Variants in CHRNA3 observed in about 807,000 individuals in gnomAD.
The protein encoded by CHRNA3 is cholinergic receptor nicotinic alpha 3 subunit, also known as neuronal acetylcholine receptor subunit alpha-3.
In CHRNA3, 34 loss-of-function variants were observed where a neutral mutation model predicts 41.9. The ratio of observed to expected loss-of-function variants is 0.81; its 90% confidence interval spans 0.62 to 1.08. CHRNA3 has a LOEUF of 1.08. Ranked by LOEUF, CHRNA3 falls within the 50% of genes least tolerant of loss-of-function variation. The pLI is 0.00. For synonymous variants in CHRNA3, 281 were observed against 265.2 expected, an observed-to-expected ratio of 1.06 and a Z score of -0.58; for missense variants, 542 against 638.3, an observed-to-expected ratio of 0.85 and a Z score of 1.63.
Position 78,601,872 on chromosome 15 carries a change from A to C in CHRNA3, c.770T>G (p.Phe257Cys). 1 of 1,614,104 alleles carries C rather than the reference A, an allele frequency of 6.2e-7. No individual in the cohort carries two copies. Among genetic ancestry groups the C allele is most frequent in the Non-Finnish European group, 8.5e-7 (1 of 1,180,012 alleles). Residue 257 changes from phenylalanine (F) to cysteine (C), a missense_variant, in exon 5 of 6, where the codon TTC (phenylalanine) becomes TGC (cysteine). Phe to Cys is a radical substitution (Grantham distance 205, BLOSUM62 -2). Coordinates refer to ENST00000326828, the MANE Select transcript of CHRNA3 (RefSeq NM_000743.5). ...NLIIPCLLIS[F>C]LTVLVFYLPS... ...CAGGTAGAAGACGAGCACAGTGAGG[A>C]AGGAGATGAGCAGGCAGGGGATGAT... is the stretch of plus-strand genomic sequence containing the variant.
chr15:78,603,334 G>A (rs1263986099), intron 4 of CHRNA3, among the ~76,000 whole-genome samples: 1 of 152,174 alleles, frequency 6.6e-6, no homozygotes, highest in Admixed American at 6.5e-5. Flanking sequence ...CGTTTTTCTA[G>A]GAATAGTCTT....
intron 4 of CHRNA3, among the ~76,000 whole-genome samples, chr15:78,615,993 C>T (rs948148237): frequency 2.7e-5 from 4 of 150,566 alleles, no homozygotes; most frequent in Non-Finnish European, 4.4e-5. Flanking sequence ...CCTCCTGCCT[C>T]GGCCTCCCAA....
In CHRNA3 at chr15:78,595,959, C is replaced by G; in HGVS notation, c.*645G>C. The stretch of plus-strand genomic sequence containing the variant: ...GGTGCCTTGACCTTGGACCTCCCAA[C>G]CTCCAAAACTGAGAAGTTTCTGTTG... On this transcript the variant is annotated 3_prime_UTR_variant, in exon 6 of 6. Coordinates refer to ENST00000326828, the MANE Select transcript of CHRNA3 (RefSeq NM_000743.5). 1.3e-6 allele frequency: 1 copy of G among 784,340 alleles called. No individual in the cohort carries two copies. The highest frequency in any genetic ancestry group is 5.9e-5 in the South Asian group (1 of 16,912). The allele number at this position is 784,340 out of a possible 1,614,324, so 48.6% of individuals were successfully genotyped here.
intron 4 of CHRNA3, among the ~76,000 whole-genome samples, chr15:78,616,518 G>T (rs368108600): frequency 1.3e-5 from 2 of 152,090 alleles, no homozygotes; most frequent in African/African-American, 2.4e-5. Flanking sequence ...ATTCCTGTCT[G>T]TTTGCACAGA....
chr15:78,602,558 G>A (rs898505634), intron 4 of CHRNA3, among the ~76,000 whole-genome samples: 21 of 152,194 alleles, frequency 1.4e-4, no homozygotes, highest in Non-Finnish European at 2.5e-4. Flanking sequence ...AATGCCCGAA[G>A]AGGATTGGTC....
intron 5 of CHRNA3, among the ~76,000 whole-genome samples, chr15:78,597,039 GTTAC>G (rs2053124292): frequency 6.6e-6 from 1 of 152,216 alleles, no homozygotes; most frequent in South Asian, 2.1e-4. Flanking sequence ...AGTGAAACCA[GTTAC>G]TTAGGCTTCC....
At chr15:78,610,043 G>C (rs370563321) in intron 4 of CHRNA3, among the ~76,000 whole-genome samples, 2 of 152,002 alleles carry the variant, frequency 1.3e-5, no homozygotes, top group Non-Finnish European at 1.5e-5. Flanking sequence ...TAAATATATA[G>C]GCACCCAATA....
intron 4 of CHRNA3, among the ~76,000 whole-genome samples, chr15:78,612,978 G>A (rs528095970): frequency 4.5e-4 from 69 of 152,156 alleles, no homozygotes; most frequent in Middle Eastern, 6.8e-3. Context: ...AATGCTCATC[G>A]TCACTGGCCA....
chr15:78,593,516 C>A, downstream of CHRNA3: 1 of 247,288 alleles, frequency 4.0e-6, no homozygotes, highest in Non-Finnish European at 7.7e-6. Flanking sequence ...GTATTTGTAT[C>A]CTGGCAAATA....
intron 4 of CHRNA3, among the ~76,000 whole-genome samples, chr15:78,608,600 C>T (rs1295554871): frequency 1.3e-5 from 2 of 152,102 alleles, no homozygotes; most frequent in South Asian, 2.1e-4. Flanking sequence ...TCATCAAAGA[C>T]CAAAAGTAGA....
At chr15:78,593,481 C>G (rs1596066373), downstream of CHRNA3, 2 of 325,892 alleles carry the variant, frequency 6.1e-6, no homozygotes, top group East Asian at 5.4e-5. Context: ...AAAATATTAT[C>G]TGAACTGGAC....
At chr15:78,612,331 A>G (rs1333115986) in intron 4 of CHRNA3, among the ~76,000 whole-genome samples, 1 of 146,988 alleles carries the variant, frequency 6.8e-6, no homozygotes, top group Admixed American at 6.7e-5. Flanking sequence ...ACAAGGCTAC[A>G]GTAACCAAAA....
downstream of CHRNA3, chr15:78,595,025 C>T (rs757980573): frequency 6.6e-6 from 1 of 152,284 alleles, no homozygotes; most frequent in Non-Finnish European, 1.5e-5. Context: ...ATCACAAACA[C>T]CTCATTTATT....
At position 78,617,023 on chromosome 15, in the gene CHRNA3, C is replaced by T. The variant is rs768028438; in HGVS notation, c.377+1G>A. 6.8e-6 allele frequency: 11 copies of T among 1,610,558 alleles called. No individual in the cohort carries two copies. The highest frequency in any genetic ancestry group is 1.3e-5 in the African/African-American group (1 of 74,902). ...AGGGCGTGGGCCCCCCAGCACCTTA[C>T]TTGTTATACAGCACAATGTCTGGCT... is the stretch of plus-strand genomic sequence containing the variant. On this transcript the variant is annotated splice_donor_variant, in intron 4 of 5. Coordinates refer to ENST00000326828, the MANE Select transcript of CHRNA3 (RefSeq NM_000743.5). LOFTEE classifies it high-confidence loss of function.
At chr15:78,617,718 C>T (rs772165060) in intron 3 of CHRNA3, among the ~76,000 whole-genome samples, 2 of 152,160 alleles carry the variant, frequency 1.3e-5, no homozygotes, top group Non-Finnish European at 2.9e-5. Context: ...GGGTGGGGCA[C>T]TGTGCCCATC....
chr15:78,619,116 C>T, intron 1 of CHRNA3: 1 of 615,202 alleles, frequency 1.6e-6, no homozygotes, highest in East Asian at 2.8e-5. Flanking sequence ...TCTACCTGGC[C>T]ACACGCATTC....
At chr15:78,616,592 G>A (rs2053466147) in intron 4 of CHRNA3, among the ~76,000 whole-genome samples, 1 of 152,036 alleles carries the variant, frequency 6.6e-6, no homozygotes, top group Non-Finnish European at 1.5e-5. Context: ...CCACACACTG[G>A]GGTTGGTCCT....
At chr15:78,613,118 G>A (rs537618360) in intron 4 of CHRNA3, among the ~76,000 whole-genome samples, 1 of 152,282 alleles carries the variant, frequency 6.6e-6, no homozygotes, top group East Asian at 1.9e-4. Context: ...TTACACTGTT[G>A]GTGGGAGTGT....
intron 4 of CHRNA3, among the ~76,000 whole-genome samples, chr15:78,608,142 G>T (rs1038430295): frequency 6.6e-6 from 1 of 152,250 alleles, no homozygotes; most frequent in Admixed American, 6.5e-5. Flanking sequence ...ACCTCTGGGG[G>T]CAGGGCACAG....
Sources: allele counts gnomAD v4.1 joint callset (sites outside exome capture counted in the v4.1 genomes callset), GRCh38; gene constraint gnomAD v4.1.1; transcripts MANE v1.5; gene names NCBI Gene and HGNC (gene_info 2026-07-23, HGNC 2026-07-21).